ACADVL: variants seen among roughly 807,000 people sequenced by gnomAD.
ACADVL encodes the protein very long-chain acyl-CoA dehydrogenase, mitochondrial.
Under a neutral mutation model 80.4 loss-of-function variants are expected in ACADVL, and 73 were observed. The ratio of observed to expected loss-of-function variants is 0.91; its 90% CI spans 0.75 to 1.10. ACADVL has a LOEUF of 1.10. Among genes scored for constraint, ACADVL ranks in the 50% least tolerant of loss-of-function variants. The pLI is 0.00. For synonymous variants in ACADVL, 392 were observed against 326.5 expected, an observed-to-expected ratio of 1.20 and a Z score of -2.16; for missense variants, 878 against 858.9, an observed-to-expected ratio of 1.02 and a Z score of -0.28.
Position 7,223,656 on chromosome 17 carries a change from A to C in ACADVL, c.1195A>C (p.Met399Leu), listed in dbSNP as rs754994326. The change falls in exon 12 of 20, where the codon ATG (methionine) becomes CTG (leucine). Residue 399 changes from methionine to leucine, a missense_variant. By Grantham distance (15) the Met-to-Leu change is conservative. Transcript: ENST00000356839. ...LQYVTESMAY[M>L]VSANMDQGAT... Reference sequence around the variant, plus strand: ...TATGCAACCTCAGTCCATGGCTTACATGGTGAGTGCTAACATGGACCAGGG... The same window carrying C: ...TATGCAACCTCAGTCCATGGCTTACCTGGTGAGTGCTAACATGGACCAGGG... 21 of 1,614,076 alleles carry C rather than the reference A, an allele frequency of 1.3e-5. No homozygotes were observed. Among genetic ancestry groups the C allele is most frequent in the Non-Finnish European group, 1.7e-5 (20 of 1,180,022 alleles).
chr17:7,223,622 T>C, intron 11 of ACADVL, 22 bp from the exon 12 acceptor site: 2 of 1,613,900 alleles, frequency 1.2e-6, no homozygotes, highest in Non-Finnish European at 1.7e-6. Context: ...TTCCTTCCCA[T>C]GTCCCAACTA....
At chr17:7,218,755 G>T (rs1311084481), upstream of ACADVL, 1 of 1,592,560 alleles carries the variant, frequency 6.3e-7, no homozygotes, top group African/African-American at 1.3e-5. Context: ...GGAAAGATTT[G>T]GGGAGAAGGA....
Position 7,223,194 on chromosome 17 carries a change from A to C in ACADVL, c.1139A>C (p.Gln380Pro). 2.5e-6 allele frequency: 4 copies of C among 1,614,162 alleles called. No individual in the cohort carries two copies. The highest frequency in any genetic ancestry group is 3.4e-6 in the Non-Finnish European group (4 of 1,180,004). Residue 380 changes from glutamine (Q) to proline (P), a missense_variant, in exon 11 of 20, where the codon CAG becomes CCG. Physicochemically the swap from Gln to Pro is moderately conservative, Grantham distance 76 (BLOSUM62 -1). Coordinates refer to ENST00000356839, the MANE Select transcript of ACADVL (RefSeq NM_000018.4). ...AAAATTCACAACTTTGGGCTGATCCAGGAGAAGCTGGCACGGATGGTTATG... is the reference window on the plus strand; with the variant it reads ...AAAATTCACAACTTTGGGCTGATCCCGGAGAAGCTGGCACGGATGGTTATG... The part of the protein sequence containing the change: ...GEKIHNFGLI[Q>P]EKLARMVMLQ...
intron 10 of ACADVL, 61 bp downstream of exon 10, chr17:7,222,926 A>G (rs2071301243): frequency 2.5e-6 from 4 of 1,587,954 alleles, no homozygotes; most frequent in Non-Finnish European, 3.4e-6. Context: ...CCCCCTTGCC[A>G]TGTGTCCCTG....
chr17:7,218,405 C>A (rs1394382428), upstream of ACADVL: 1 of 1,384,812 alleles, frequency 7.2e-7, no homozygotes, highest in Non-Finnish European at 1.0e-6. Flanking sequence ...CTGGTCCACA[C>A]TCATGGAGGA....
chr17:7,219,993 G>A lies in ACADVL; in HGVS notation c.9G>A (p.Ala3=), dbSNP rs1331036812. 1.9e-6 allele frequency: 3 copies of A among 1,603,012 alleles called. No homozygotes were observed. The highest frequency in any genetic ancestry group is 2.2e-5 in the East Asian group (1 of 44,628). ...CCCGGAGAGATTCGGAGATGCAGGC[G>A]GCTCGGATGGCCGCGAGCTTGGGGC... MQ[A]ARMAASLGRQ... is the part of the protein sequence containing the mutation. Residue 3 remains alanine, a synonymous_variant, in exon 1 of 20, where the codon GCG becomes GCA. Transcript: ENST00000356839.
In ACADVL at chr17:7,219,941, G is replaced by C. The variant is rs755185338; in HGVS notation, c.-44G>C. 1 of 1,582,566 alleles carries C rather than the reference G, an allele frequency of 6.3e-7. No homozygotes were observed. The highest frequency in any genetic ancestry group is 1.3e-5 in the African/African-American group (1 of 74,796). ...GGACGTGGGCGTGCAGGACGCCAGA[G>C]CTGGGTCAGAGCTCGAGCCAGCGGC... is the stretch of plus-strand genomic sequence containing the variant. On this transcript the variant is annotated 5_prime_UTR_variant, in exon 1 of 20. Transcript: ENST00000356839.
chr17:7,218,783 C>T (rs1177057084), upstream of ACADVL: 2 of 1,611,786 alleles, frequency 1.2e-6, no homozygotes, highest in Non-Finnish European at 1.7e-6. Flanking sequence ...GCCCCAGCCC[C>T]CCACTTCGCT....
upstream of ACADVL, chr17:7,217,575 ACGGCAG>A: frequency 7.7e-7 from 1 of 1,293,432 alleles, no homozygotes; most frequent in Non-Finnish European, 9.9e-7. Flanking sequence ...GGGGTTGGAA[ACGGCAG>A]CGGCCGAGGG....
At chr17:7,222,988 G>T in intron 10 of ACADVL, 123 bp downstream of exon 10, 1 of 1,454,086 alleles carries the variant, frequency 6.9e-7, no homozygotes, top group Non-Finnish European at 9.5e-7. Context: ...CCAGCAGCCC[G>T]ACTTGCTAGC....
At chr17:7,220,345 G>A in intron 2 of ACADVL, 119 bp from the exon 3 acceptor site, 3 of 1,558,158 alleles carry the variant, frequency 1.9e-6, no homozygotes. Flanking sequence ...GGGTGCCCTA[G>A]GGCGAAACTA....
chr17:7,222,081 G>A lies in ACADVL; in HGVS notation c.752G>A (p.Ser251Asn). 1 of 1,614,146 alleles carries A rather than the reference G, an allele frequency of 6.2e-7. No individual in the cohort carries two copies. Among genetic ancestry groups the A allele is most frequent in the Non-Finnish European group, 8.5e-7 (1 of 1,180,032 alleles). Residue 251 changes from serine to asparagine, a missense_variant and splice_region_variant, in exon 8 of 20, where the codon AGT becomes AAT. Physicochemically the swap from Ser to Asn is conservative, Grantham distance 46 (BLOSUM62 1). Coordinates refer to ENST00000356839, the MANE Select transcript of ACADVL (RefSeq NM_000018.4). ...CTCAATGGAAGCAAGCTTTGGATCA[G>A]GCAACCTGCCTCCCATTTCTCCCCT... ...YTLNGSKLWI[S>N]NGGLADIFTV... is the part of the protein sequence containing the mutation.
At chr17:7,218,150 C>A, upstream of ACADVL, 1 of 1,240,958 alleles carries the variant, frequency 8.1e-7, no homozygotes, top group South Asian at 1.4e-5. Context: ...GCAGGGCCCC[C>A]AAGATTCCAG....
chr17:7,219,116 A>C, upstream of ACADVL: 2 of 546,858 alleles, frequency 3.7e-6, no homozygotes, highest in Non-Finnish European at 6.5e-6. Context: ...CAGCTCAAAA[A>C]GAAGCTGAGC....
chr17:7,222,446 C>A, intron 9 of ACADVL, 144 bp downstream of exon 9: 2 of 1,325,230 alleles, frequency 1.5e-6, no homozygotes, highest in Non-Finnish European at 2.0e-6. Flanking sequence ...AATATGTATG[C>A]AACTGAGCTA....
At position 7,224,982 on chromosome 17, in the gene ACADVL, T is replaced by C. The variant is rs1371337244; in HGVS notation, c.1853T>C (p.Met618Thr). The stretch of plus-strand genomic sequence containing the variant: ...GCTGCAGCTCGGATCCGAGAGGGCA[T>C]GGCCGCCCTGCAGTCTGACCCCTGG... The part of the protein sequence containing the change: ...IEAAARIREG[M>T]AALQSDPWQQ... The change falls in exon 20 of 20, where the codon ATG becomes ACG. Residue 618 changes from methionine (M) to threonine (T), a missense_variant. By Grantham distance (81) the Met-to-Thr change is moderately conservative. Coordinates refer to ENST00000356839, the MANE Select transcript of ACADVL (RefSeq NM_000018.4). 1.2e-6 allele frequency: 2 copies of C among 1,614,008 alleles called. No homozygotes were observed. Among genetic ancestry groups the C allele is most frequent in the South Asian group, 1.1e-5 (1 of 91,094 alleles).
At chr17:7,220,311 G>C in intron 2 of ACADVL, 114 bp downstream of exon 2, 1 of 1,504,890 alleles carries the variant, frequency 6.6e-7, no homozygotes, top group Non-Finnish European at 9.0e-7. Context: ...CTCAGTCGCC[G>C]AAAGTAGGGG....
At position 7,222,096 on chromosome 17, in the gene ACADVL, AT is replaced by A; in HGVS notation, c.752+18del. 1 of 1,613,930 alleles carries A rather than the reference AT, an allele frequency of 6.2e-7. No individual in the cohort carries two copies. Among genetic ancestry groups the A allele is most frequent in the Non-Finnish European group, 8.5e-7 (1 of 1,179,990 alleles). ...CTTTGGATCAGGCAACCTGCCTCCC[AT>A]TTCTCCCCTTCTCCTCCGCCCAATT... On this transcript the variant is annotated intron_variant, in intron 8 of 19. Coordinates refer to ENST00000356839, the MANE Select transcript of ACADVL (RefSeq NM_000018.4).
At chr17:7,218,055 G>A (rs1295127465), upstream of ACADVL, among the ~76,000 whole-genome samples, 1 of 151,796 alleles carries the variant, frequency 6.6e-6, no homozygotes, top group Non-Finnish European at 1.5e-5. Flanking sequence ...AGAAAACGAG[G>A]AAGAAAGGGA....
Sources: gnomAD v4.1 joint callset for allele counts (sites outside exome capture counted in the v4.1 genomes callset) on GRCh38, gnomAD v4.1.1 for gene constraint, MANE v1.5 for transcripts, NCBI Gene and HGNC (gene_info 2026-07-23, HGNC 2026-07-21) for gene names.